HADHA: variants seen among roughly 807,000 people sequenced by gnomAD.
HADHA encodes the protein hydroxyacyl-CoA dehydrogenase trifunctional multienzyme complex subunit alpha, also known as trifunctional enzyme subunit alpha, mitochondrial.
In HADHA, 59 loss-of-function variants were observed where a neutral mutation model predicts 91.3. The observed-to-expected ratio is 0.65, with a 90% CI of 0.52 to 0.80. HADHA has a LOEUF of 0.80. HADHA is among the 30% of genes least tolerant of loss of function. The pLI, the probability that HADHA is intolerant of heterozygous loss-of-function variation, is 0.00. For missense variants in HADHA, 800 were observed against 927.6 expected (o/e 0.86, Z 1.79); for synonymous variants, 320 against 338.9 (o/e 0.94, Z 0.61).
intron 5 of HADHA, among the ~76,000 whole-genome samples, chr2:26,233,336 T>C (rs561169809): frequency 6.6e-6 from 1 of 152,320 alleles, no homozygotes; most frequent in African/African-American, 2.4e-5. Flanking sequence ...TAGAAAAATG[T>C]AGTGTTACAG....
chr2:26,229,348 G>GCACACACACA lies in HADHA; in HGVS notation c.676+834_676+843dup, dbSNP rs5830004. 3.5e-3 allele frequency among the ~76,000 whole-genome samples: 510 copies of GCACACACACA among 147,616 alleles called. 1 individual carries two copies. Among genetic ancestry groups the GCACACACACA allele is most frequent in the East Asian group, 6.5e-3 (32 of 4,952 alleles). On this transcript the variant is annotated intron_variant, in intron 7 of 19. Transcript: ENST00000380649. This position sits in a 1 kb window ranked among gnomAD's most constrained non-coding sequence, Gnocchi z 4.3. ...GTGAGACCCCAACATGTGTGCGCGC[G>GCACACACACA]CACACACACACACACACACACACAC... is the stretch of plus-strand genomic sequence containing the variant.
At chr2:26,238,819 ATGTAAGATTAC>A in intron 3 of HADHA, 104 bp downstream of exon 3, 3 of 780,468 alleles carry the variant, frequency 3.8e-6, no homozygotes, top group Non-Finnish European at 7.0e-6. Flanking sequence ...CTGTAAATTC[ATGTAAGATTAC>A]TGCCAGATTG....
chr2:26,195,605 T>A (rs1417243454), intron 14 of HADHA, among the ~76,000 whole-genome samples: 1 of 85,380 alleles, frequency 1.2e-5, no homozygotes, highest in Admixed American at 1.2e-4. Context: ...TGGGCGGGGG[T>A]GGGGCAGGCA....
At chr2:26,211,694 G>A (rs1405128470) in intron 10 of HADHA, among the ~76,000 whole-genome samples, 3 of 152,110 alleles carry the variant, frequency 2.0e-5, no homozygotes, top group Non-Finnish European at 4.4e-5. Flanking sequence ...CTTTATAAAA[G>A]AGCAACCATT....
Position 26,244,517 on chromosome 2 carries a change from G to A in HADHA, c.67+13C>T. 6.4e-7 allele frequency: 1 copy of A among 1,569,498 alleles called. No homozygotes were observed. Among genetic ancestry groups the A allele is most frequent in the South Asian group, 1.2e-5 (1 of 85,582 alleles). On this transcript the variant is annotated intron_variant, in intron 1 of 19. Coordinates refer to ENST00000380649, the MANE Select transcript of HADHA (RefSeq NM_000182.5). Reference sequence around the variant, plus strand: ...CTGCCCGGAGGTCTGGGATGCCCTCGGCCAGGCCTCACCTCGGGAGCGGAG... The same window carrying A: ...CTGCCCGGAGGTCTGGGATGCCCTCAGCCAGGCCTCACCTCGGGAGCGGAG...
At chr2:26,197,535 A>G (rs1669707865) in intron 14 of HADHA, among the ~76,000 whole-genome samples, 156 bp downstream of exon 14, 1 of 152,190 alleles carries the variant, frequency 6.6e-6, no homozygotes, top group Admixed American at 6.5e-5. Flanking sequence ...TGCATCTCAC[A>G]CTAGTCATGG....
intron 1 of HADHA, among the ~76,000 whole-genome samples, chr2:26,243,626 GAA>G (rs1026566006): frequency 2.0e-5 from 3 of 152,130 alleles, no homozygotes; most frequent in Non-Finnish European, 4.4e-5. Context: ...CCGGAAGAGG[GAA>G]GAGAGGTAAT....
chr2:26,224,107 A>G (rs562530799), intron 7 of HADHA, among the ~76,000 whole-genome samples: 14 of 152,342 alleles, frequency 9.2e-5, no homozygotes, highest in Non-Finnish European at 1.8e-4. Flanking sequence ...CCCAGGGTCC[A>G]TAAAGCCGCA....
intron 7 of HADHA, among the ~76,000 whole-genome samples, chr2:26,216,295 T>C (rs1182475949): frequency 1.3e-5 from 2 of 148,546 alleles, no homozygotes; most frequent in Admixed American, 6.7e-5. Context: ...ACAACCAATC[T>C]CTCCCTTAAG....
chr2:26,215,846 T>A (rs1670204761), intron 7 of HADHA, among the ~76,000 whole-genome samples: 1 of 152,170 alleles, frequency 6.6e-6, no homozygotes, highest in African/African-American at 2.4e-5. Flanking sequence ...TTGAGTGAAA[T>A]CTCTCATAGT....
intron 11 of HADHA, among the ~76,000 whole-genome samples, chr2:26,206,354 G>A (rs80107006): frequency 4.6e-5 from 7 of 151,438 alleles, no homozygotes; most frequent in South Asian, 2.1e-4. Context: ...TCAGACTCCC[G>A]AGGAGCTGGG....
Position 26,190,975 on chromosome 2 carries a change from G to T in HADHA, c.*275C>A. 1 of 546,416 alleles carries T rather than the reference G, an allele frequency of 1.8e-6. No homozygotes were observed. Among genetic ancestry groups the T allele is most frequent in the Non-Finnish European group, 3.3e-6 (1 of 303,160 alleles). The allele number at this position is 546,416 out of a possible 1,614,324, so 33.8% of individuals were successfully genotyped here. A position where few individuals can be genotyped will look rare whatever the true frequency, so the allele number is the denominator to read the frequency against. Reference sequence around the variant, plus strand: ...TCTTGGGAGGAACAGGCAGAGAGGTGGCTTCAGATGGCTCTTGGCTGCCAC... The same window carrying T: ...TCTTGGGAGGAACAGGCAGAGAGGTTGCTTCAGATGGCTCTTGGCTGCCAC... On this transcript the variant is annotated 3_prime_UTR_variant, in exon 20 of 20. Coordinates refer to ENST00000380649, the MANE Select transcript of HADHA (RefSeq NM_000182.5).
At chr2:26,219,748 C>T (rs1261748129) in intron 7 of HADHA, among the ~76,000 whole-genome samples, 1 of 152,192 alleles carries the variant, frequency 6.6e-6, no homozygotes, top group African/African-American at 2.4e-5. Flanking sequence ...AAGCAGTAAT[C>T]AGAATAGTCT....
chr2:26,204,921 CTCG>C lies in HADHA; in HGVS notation c.1086-728_1086-726del, dbSNP rs547865065. On this transcript the variant is annotated intron_variant, in intron 11 of 19. Coordinates refer to ENST00000380649, the MANE Select transcript of HADHA (RefSeq NM_000182.5). ...CCCAAAATCTGTGCCTTTATCACTCCTCGTCTGGATGAATTCAAAGTCTCCTCC... is the reference window on the plus strand; with the variant it reads ...CCCAAAATCTGTGCCTTTATCACTCCTCTGGATGAATTCAAAGTCTCCTCC... Among the ~76,000 whole-genome samples the C allele has an allele frequency of 9.9e-5, 15 of 152,274 alleles. No individual in the cohort carries two copies. In the South Asian group the frequency reaches 2.9e-3, roughly 29 times the overall value.
chr2:26,193,622 C>T lies in HADHA; in HGVS notation c.1840G>A (p.Gly614Arg), dbSNP rs1669575921. The change falls in exon 17 of 20, where the codon GGA becomes AGA. Residue 614 changes from glycine to arginine, a missense_variant. Physicochemically the swap from Gly to Arg is moderately radical, Grantham distance 125. Transcript: ENST00000380649. ...ATCTGTGTCAGCAGTTCTGGGTTTC[C>T]ACCTCCAAACCGCTCCCCAAAGACT... ...GKVFGERFGG[G>R]NPELLTQMVS... 1 of 1,613,930 alleles carries T rather than the reference C, an allele frequency of 6.2e-7. No homozygotes were observed. Among genetic ancestry groups the T allele is most frequent in the Non-Finnish European group, 8.5e-7 (1 of 1,179,968 alleles).
chr2:26,233,389 G>C (rs531756381), intron 5 of HADHA, among the ~76,000 whole-genome samples: 1 of 152,232 alleles, frequency 6.6e-6, no homozygotes, highest in African/African-American at 2.4e-5. Flanking sequence ...TCATTGAAAC[G>C]TTATGTGGTA....
intron 12 of HADHA, among the ~76,000 whole-genome samples, chr2:26,202,612 A>G (rs892000054): frequency 2.6e-5 from 4 of 152,200 alleles, no homozygotes; most frequent in Non-Finnish European, 4.4e-5. Flanking sequence ...ATGGTGGCGC[A>G]TGCCTGTAGT....
rs1451513233 is a variant in HADHA at position 26,195,147 on chromosome 2, C to G, written c.1565G>C (p.Ser522Thr). The stretch of plus-strand genomic sequence containing the variant: ...GAGACCAACTGCTACAGCTGAAGCA[C>G]TGGTGTCTTTGGAAGTTTTCTCGGT... ...ITTEKTSKDT[S>T]ASAVAVGLKQ... Residue 522 changes from serine (S) to threonine (T), a missense_variant, in exon 15 of 20, where the codon AGT (serine) becomes ACT (threonine). By Grantham distance (58) the Ser-to-Thr change is moderately conservative. Coordinates refer to ENST00000380649, the MANE Select transcript of HADHA (RefSeq NM_000182.5). 6.2e-7 allele frequency: 1 copy of G among 1,612,682 alleles called. No homozygotes were observed. The highest frequency in any genetic ancestry group is 1.1e-5 in the South Asian group (1 of 91,040).
chr2:26,193,486 T>A (rs1574602133), intron 17 of HADHA, 91 bp downstream of exon 17: 7 of 1,104,058 alleles, frequency 6.3e-6, no homozygotes, highest in East Asian at 2.3e-5. Flanking sequence ...AAAACTTTCT[T>A]CCACGAGGGC....
Sources: gnomAD v4.1 joint callset for allele counts (sites outside exome capture counted in the v4.1 genomes callset) on GRCh38, gnomAD v4.1.1 for gene constraint, Gnocchi (gnomAD v3.1) non-coding constraint, MANE v1.5 for transcripts, NCBI Gene and HGNC (gene_info 2026-07-23, HGNC 2026-07-21) for gene names.